ANKHD1: variants seen among roughly 807,000 people sequenced by gnomAD.
The protein encoded by ANKHD1 is ankyrin repeat and KH domain containing 1.
Under a neutral mutation model 230.5 loss-of-function variants are expected in ANKHD1, and 31 were observed. That is an observed-to-expected ratio of 0.13 (90% confidence interval 0.10 to 0.18). The LOEUF (loss-of-function observed/expected upper bound fraction) is 0.18. Ranked by LOEUF, ANKHD1 falls within the 10% of genes least tolerant of loss-of-function variation. ANKHD1 has a pLI of 1.00. For synonymous variants in ANKHD1, 1,074 were observed against 1,117.6 expected, an observed-to-expected ratio of 0.96 and a Z score of 0.78; for missense variants, 2,256 against 3,071.3, an observed-to-expected ratio of 0.73 and a Z score of 6.27.
chr5:140,538,461 G>A (rs1271366136), intron 32 of ANKHD1, among the ~76,000 whole-genome samples, 200 bp downstream of exon 32: 1 of 152,210 alleles, frequency 6.6e-6, no homozygotes, highest in Non-Finnish European at 1.5e-5. Context: ...ACACCTGAGG[G>A]ATTTGGGTTT....
rs1328458285 is a variant in ANKHD1, at chr5:140,528,404, A to G, written c.5458A>G (p.Thr1820Ala). ...TCCAACTCTTGTAACTTCACAGGCA[A>G]CAACGTTATCTACGTTCCAGCCCGC... ...GAPTLVTSQA[T>A]TLSTFQPANK... Residue 1820 changes from threonine to alanine, a missense_variant, in exon 29 of 34, where the codon ACA (threonine) becomes GCA (alanine). Thr to Ala is a moderately conservative substitution (Grantham distance 58, BLOSUM62 0). Around this residue, in one of 13 missense-constraint regions of ANKHD1, gnomAD observed 778 missense variants for 966.5 expected, o/e 0.80. Transcript: ENST00000360839. 1.9e-6 allele frequency: 3 copies of G among 1,614,046 alleles called. No homozygotes were observed. In the Admixed American group the frequency reaches 5.0e-5, roughly 27 times the overall value.
At chr5:140,423,034 A>G (rs1772125461) in intron 1 of ANKHD1, among the ~76,000 whole-genome samples, 1 of 151,346 alleles carries the variant, frequency 6.6e-6, no homozygotes, top group Non-Finnish European at 1.5e-5. Flanking sequence ...CTGGGACTAC[A>G]GGCATCCGCA....
At position 140,504,803 on chromosome 5, in the gene ANKHD1, A is replaced by G; in HGVS notation, c.3005-18A>G. 6.2e-7 allele frequency: 1 copy of G among 1,603,528 alleles called. No individual in the cohort carries two copies. The highest frequency in any genetic ancestry group is 1.1e-5 in the South Asian group (1 of 88,536). ...ACTCTTTTAAGTGGAATTTAGCAATATGAATATTGTTTTTCAGCTGTGAGT... is the reference window on the plus strand; with the variant it reads ...ACTCTTTTAAGTGGAATTTAGCAATGTGAATATTGTTTTTCAGCTGTGAGT... On this transcript the variant is annotated intron_variant, in intron 15 of 33. Transcript: ENST00000360839.
chr5:140,449,198 TC>T lies in ANKHD1; in HGVS notation c.1148-11del. The T allele has an allele frequency of 6.3e-7, 1 of 1,598,298 alleles. No individual in the cohort carries two copies. The highest frequency in any genetic ancestry group is 8.5e-7 in the Non-Finnish European group (1 of 1,171,346). On this transcript the variant is annotated splice_polypyrimidine_tract_variant and intron_variant, in intron 6 of 33. Coordinates refer to ENST00000360839, the MANE Select transcript of ANKHD1 (RefSeq NM_017747.3). ...TAGTGAATTCTTTTAAAATTTTTGTTCCTTTTTTCAAGGCCATTTGGATATG... is the reference window on the plus strand; with the variant it reads ...TAGTGAATTCTTTTAAAATTTTTGTTCTTTTTTCAAGGCCATTTGGATATG...
intron 1 of ANKHD1, among the ~76,000 whole-genome samples, chr5:140,420,878 G>A (rs1268929322): frequency 2.0e-5 from 3 of 152,130 alleles, no homozygotes; most frequent in African/African-American, 7.2e-5. Context: ...AGTAGGAGGT[G>A]TTTAATATGA....
chr5:140,482,933 C>A (rs1018118217), intron 11 of ANKHD1, among the ~76,000 whole-genome samples: 3 of 152,162 alleles, frequency 2.0e-5, no homozygotes, highest in Admixed American at 2.0e-4. Flanking sequence ...AAATGTCCCA[C>A]TATGATTAGG....
In ANKHD1 at chr5:140,494,910, G is replaced by C. The variant is rs1455432445; in HGVS notation, c.2246-1610G>C. On this transcript the variant is annotated intron_variant, in intron 14 of 33. Transcript: ENST00000360839. ...TATTGTTTAATTTACATACCATAAAGTTCCCTTGTTTTAAATGTACAATGC... is the reference window on the plus strand; with the variant it reads ...TATTGTTTAATTTACATACCATAAACTTCCCTTGTTTTAAATGTACAATGC... 2.0e-5 allele frequency among the ~76,000 whole-genome samples: 3 copies of C among 152,172 alleles called. No individual in the cohort carries two copies. In the East Asian group the frequency reaches 5.8e-4, roughly 29 times the overall value.
chr5:140,513,048 G>T, intron 23 of ANKHD1, 125 bp downstream of exon 23: 1 of 940,262 alleles, frequency 1.1e-6, no homozygotes, highest in Non-Finnish European at 1.6e-6. Context: ...TTATGCGTTT[G>T]TTTCTCCATT....
chr5:140,467,523 T>C (rs1293482283), intron 10 of ANKHD1, among the ~76,000 whole-genome samples: 1 of 152,180 alleles, frequency 6.6e-6, no homozygotes, highest in African/African-American at 2.4e-5. Context: ...AAGGCTGCAG[T>C]GCACAATGAG....
Position 140,528,417 on chromosome 5 carries a change from C to A in ANKHD1, c.5471C>A (p.Thr1824Lys), listed in dbSNP as rs369174349. ...ACTTCACAGGCAACAACGTTATCTA[C>A]GTTCCAGCCCGCTAATAAACTTAAT... ...LVTSQATTLS[T>K]FQPANKLNKN... Residue 1824 changes from threonine to lysine, a missense_variant, in exon 29 of 34, where the codon ACG becomes AAG. Physicochemically the swap from Thr to Lys is moderately conservative, Grantham distance 78. Transcript: ENST00000360839. The A allele has an allele frequency of 3.7e-6, 6 of 1,614,146 alleles. No homozygotes were observed. The highest frequency in any genetic ancestry group is 5.1e-6 in the Non-Finnish European group (6 of 1,180,028).
intron 18 of ANKHD1, 84 bp downstream of exon 18, chr5:140,505,953 T>G: frequency 2.7e-6 from 4 of 1,504,230 alleles, no homozygotes; most frequent in Non-Finnish European, 3.5e-6. Context: ...GCTACATGAA[T>G]AAAATTTGCA....
Position 140,538,230 on chromosome 5 carries a change from C to CT in ANKHD1, c.7374dup (p.Met2459TyrfsTer10), listed in dbSNP as rs1458998594. 1 of 1,613,320 alleles carries CT rather than the reference C, an allele frequency of 6.2e-7. No individual in the cohort carries two copies. The highest frequency in any genetic ancestry group is 8.5e-7 in the Non-Finnish European group (1 of 1,179,842). On this transcript the variant is annotated frameshift_variant, in exon 32 of 34. Coordinates refer to ENST00000360839, the MANE Select transcript of ANKHD1 (RefSeq NM_017747.3). LOFTEE classifies it high-confidence loss of function. ...GCCCCCTCTAACATTTTTCATCAGC[C>CT]TATGGCAAGTGGTTTTGTGGATTTT...
At chr5:140,483,646 A>C (rs1751386537) in intron 11 of ANKHD1, among the ~76,000 whole-genome samples, 1 of 151,736 alleles carries the variant, frequency 6.6e-6, no homozygotes, top group Admixed American at 6.6e-5. Flanking sequence ...TAGTAGAGAC[A>C]GGGTTTTACC....
intron 7 of ANKHD1, among the ~76,000 whole-genome samples, chr5:140,450,763 G>GATTT (rs575589120): frequency 3.0e-4 from 46 of 151,926 alleles, no homozygotes; most frequent in Middle Eastern, 6.8e-3. Context: ...TTTAAGAAAA[G>GATTT]ATTTATTTAT....
At chr5:140,454,977 A>G (rs1486235850) in intron 7 of ANKHD1, among the ~76,000 whole-genome samples, 3 of 83,170 alleles carry the variant, frequency 3.6e-5, no homozygotes, top group Non-Finnish European at 8.5e-5. Context: ...AGCAAGACTA[A>G]TAAAGAAGAA....
intron 25 of ANKHD1, among the ~76,000 whole-genome samples, chr5:140,525,197 ATATTT>A (rs1265214156): frequency 3.9e-5 from 6 of 152,164 alleles, no homozygotes; most frequent in Non-Finnish European, 8.8e-5. Flanking sequence ...ACAAGAAAAT[ATATTT>A]TATATTTGTT....
chr5:140,444,114 A>G (rs1774092482), intron 5 of ANKHD1, among the ~76,000 whole-genome samples: 2 of 121,688 alleles, frequency 1.6e-5, no homozygotes, highest in Non-Finnish European at 3.3e-5. Context: ...TAGCTGAAAT[A>G]GATACACTAT....
At chr5:140,526,818 C>T (rs1753626901) in intron 26 of ANKHD1, 110 bp from the exon 27 acceptor site, 4 of 1,383,884 alleles carry the variant, frequency 2.9e-6, no homozygotes. Flanking sequence ...TTTGATGTGC[C>T]AAAGTTTAAT....
chr5:140,513,128 T>C (rs1477800346), intron 23 of ANKHD1, among the ~76,000 whole-genome samples: 7 of 152,242 alleles, frequency 4.6e-5, no homozygotes, highest in Non-Finnish European at 8.8e-5. Context: ...ATAGTCACAG[T>C]GACTACACTA....
Sources: allele counts gnomAD v4.1 joint callset (sites outside exome capture counted in the v4.1 genomes callset), GRCh38; gene constraint gnomAD v4.1.1; regional missense constraint gnomAD v4.1.1; transcripts MANE v1.5; gene names NCBI Gene and HGNC (gene_info 2026-07-23, HGNC 2026-07-21).